The following SLC51A variants were observed in gnomAD, a reference collection of about 807,000 sequenced individuals.
SLC51A encodes the protein organic solute transporter subunit alpha.
SLC51A carries 22 observed loss-of-function variants against 34.8 expected under a neutral mutation model. The ratio of observed to expected loss-of-function variants is 0.63; its 90% CI spans 0.45 to 0.90. The LOEUF is 0.90. Ranked by LOEUF, SLC51A falls within the 40% of genes least tolerant of loss-of-function variation. SLC51A has a pLI of 0.00. For missense variants in SLC51A, 371 were observed against 414.8 expected (o/e 0.89, Z 0.92); for synonymous variants, 181 against 176.3 (o/e 1.03, Z -0.21).
chr3:196,227,750 C>G lies in SLC51A; in HGVS notation c.362+13C>G. 6.2e-7 allele frequency: 1 copy of G among 1,606,106 alleles called. No individual in the cohort carries two copies. Among genetic ancestry groups the G allele is most frequent in the East Asian group, 2.2e-5 (1 of 44,830 alleles). On this transcript the variant is annotated intron_variant, in intron 4 of 8. Transcript: ENST00000296327. ...TGACCATCACCTCGTGAGTGCCCTGCCTCGCCCCACCTCCAAGGGCCCCTC... is the reference window on the plus strand; with the variant it reads ...TGACCATCACCTCGTGAGTGCCCTGGCTCGCCCCACCTCCAAGGGCCCCTC...
At chr3:196,221,285 A>G (rs148990769) in intron 2 of SLC51A, among the ~76,000 whole-genome samples, 3 of 152,030 alleles carry the variant, frequency 2.0e-5, no homozygotes, top group East Asian at 1.9e-4. Context: ...AAAAAAAGCT[A>G]TTATTCTAGA....
At chr3:196,225,774 T>G (rs1723877353) in intron 2 of SLC51A, 1 of 152,236 alleles carries the variant, frequency 6.6e-6, no homozygotes, top group African/African-American at 2.4e-5. Flanking sequence ...TCAAAGTGTC[T>G]GCTATCCTCC....
intron 7 of SLC51A, 154 bp downstream of exon 7, chr3:196,230,215 C>A: frequency 1.3e-6 from 1 of 766,534 alleles, no homozygotes; most frequent in South Asian, 2.3e-5. Flanking sequence ...CCTGTGCTTC[C>A]CGCTTTTGTC....
Position 196,227,669 on chromosome 3 carries a change from G to A in SLC51A, c.294G>A (p.Val98=). 3.1e-6 allele frequency: 5 copies of A among 1,614,014 alleles called. No homozygotes were observed. The highest frequency in any genetic ancestry group is 4.2e-6 in the Non-Finnish European group (5 of 1,180,004). ...LLWKSSAPTV[V]SVLCCFGLWI... is the part of the protein sequence containing the mutation. ...CTCCTGCCCCTTCTGAGCAGGTGGTGTCTGTGCTGTGCTGCTTTGGTCTCT... is the reference window on the plus strand; with the variant it reads ...CTCCTGCCCCTTCTGAGCAGGTGGTATCTGTGCTGTGCTGCTTTGGTCTCT... Residue 98 remains valine, a synonymous_variant, in exon 4 of 9, where the codon GTG becomes GTA. Transcript: ENST00000296327.
intron 2 of SLC51A, 23 bp from the exon 3 acceptor site, chr3:196,226,942 C>T: frequency 1.3e-6 from 2 of 1,599,886 alleles, no homozygotes; most frequent in South Asian, 1.1e-5. Flanking sequence ...CGGTCGTCAG[C>T]TCTCTGCCTT....
At position 196,232,405 on chromosome 3, in the gene SLC51A, T is replaced by C; in HGVS notation, c.781-14T>C. 6.2e-7 allele frequency: 1 copy of C among 1,609,336 alleles called. No homozygotes were observed. The highest frequency in any genetic ancestry group is 8.5e-7 in the Non-Finnish European group (1 of 1,175,662). On this transcript the variant is annotated splice_polypyrimidine_tract_variant and intron_variant, in intron 7 of 8. Transcript: ENST00000296327. ...AGGCCCAGTCCACCCTTGCCTCTCTTTTATGTTCCGCAGGTTCTCCTCATC... is the reference window on the plus strand; with the variant it reads ...AGGCCCAGTCCACCCTTGCCTCTCTCTTATGTTCCGCAGGTTCTCCTCATC...
At chr3:196,227,846 T>C in intron 4 of SLC51A, 109 bp downstream of exon 4, 1 of 1,140,474 alleles carries the variant, frequency 8.8e-7, no homozygotes, top group Non-Finnish European at 1.2e-6. Context: ...CCTTCCCAGC[T>C]TGTGCTAGTT....
intron 2 of SLC51A, among the ~76,000 whole-genome samples, chr3:196,220,892 T>TG (rs1723738939): frequency 7.2e-6 from 1 of 139,454 alleles, no homozygotes; most frequent in African/African-American, 2.9e-5. Context: ...TAATTTTTCT[T>TG]TTTTTTTTTT....
At chr3:196,219,051 C>A (rs1723669383) in intron 2 of SLC51A, among the ~76,000 whole-genome samples, 1 of 152,034 alleles carries the variant, frequency 6.6e-6, no homozygotes, top group African/African-American at 2.4e-5. Context: ...CATGGTGAAA[C>A]CCCGTCTCTA....
chr3:196,232,258 G>T (rs756705399), intron 7 of SLC51A, 161 bp from the exon 8 acceptor site: 13 of 574,544 alleles, frequency 2.3e-5, no homozygotes, highest in Non-Finnish European at 4.1e-5. Flanking sequence ...AAATCCCACA[G>T]ATTTTTAATG....
At chr3:196,223,502 G>A (rs757094393) in intron 2 of SLC51A, among the ~76,000 whole-genome samples, 3 of 151,720 alleles carry the variant, frequency 2.0e-5, no homozygotes, top group Non-Finnish European at 4.4e-5. Context: ...ATGAAGACTG[G>A]GAAGGACTGG....
At chr3:196,225,098 G>A (rs888184250) in intron 2 of SLC51A, among the ~76,000 whole-genome samples, 2 of 149,298 alleles carry the variant, frequency 1.3e-5, no homozygotes, top group South Asian at 2.1e-4. Flanking sequence ...CACCTCTCCC[G>A]GAGTAGCTGG....
chr3:196,223,186 A>G (rs1180267603), intron 2 of SLC51A, among the ~76,000 whole-genome samples: 1 of 151,742 alleles, frequency 6.6e-6, no homozygotes, highest in African/African-American at 2.4e-5. Flanking sequence ...ACCCTGGGAG[A>G]TGTGCTTCCT....
Position 196,233,257 on chromosome 3 carries a change from A to G in SLC51A, c.*58A>G. 6.3e-7 allele frequency: 1 copy of G among 1,584,580 alleles called. No individual in the cohort carries two copies. The highest frequency in any genetic ancestry group is 8.6e-7 in the Non-Finnish European group (1 of 1,162,878). On this transcript the variant is annotated 3_prime_UTR_variant, in exon 9 of 9. Transcript: ENST00000296327. ...ACTCATTAGAATACAAGATTCCTTT[A>G]CTGTCCCTCAACCTTGACCAAATGG...
rs749146130 is a variant in SLC51A at position 196,233,129 on chromosome 3, G to A, written c.953G>A (p.Arg318Gln). 15 of 1,614,028 alleles carry A rather than the reference G, an allele frequency of 9.3e-6. No homozygotes were observed. The highest frequency in any genetic ancestry group is 4.5e-5 in the East Asian group (2 of 44,900). Residue 318 changes from arginine to glutamine, a missense_variant, in exon 9 of 9, where the codon CGA (arginine) becomes CAA (glutamine). Coordinates refer to ENST00000296327, the MANE Select transcript of SLC51A (RefSeq NM_152672.6). ...LMTVLTRMYY[R>Q]RKDHKVGYET... ...ACTGTGCTGACACGAATGTACTACC[G>A]AAGGAAAGACCACAAGGTTGGGTAT...
chr3:196,219,866 C>A (rs1285776573), intron 2 of SLC51A, among the ~76,000 whole-genome samples: 1 of 152,226 alleles, frequency 6.6e-6, no homozygotes, highest in Non-Finnish European at 1.5e-5. Flanking sequence ...GGTTGAGAAA[C>A]CTTGCCTCAC....
In SLC51A at chr3:196,228,964, T is replaced by C; in HGVS notation, c.633+44T>C. On this transcript the variant is annotated intron_variant, in intron 6 of 8. Transcript: ENST00000296327. The surrounding 1 kb of genome is among the most constrained non-coding windows in gnomAD (Gnocchi z 4.9). ...ACAGCACAGTCCAAGACTCATTTAG[T>C]ACCTTTGTGTTCTAAAAGGAATCAC... 6.9e-7 allele frequency: 1 copy of C among 1,441,036 alleles called. No individual in the cohort carries two copies. 89.3% of individuals were successfully genotyped at this position (1,441,036 alleles called of 1,614,324 possible).
At chr3:196,230,231 G>A (rs965885727) in intron 7 of SLC51A, among the ~76,000 whole-genome samples, 170 bp downstream of exon 7, 1 of 152,208 alleles carries the variant, frequency 6.6e-6, no homozygotes, top group Non-Finnish European at 1.5e-5. Context: ...TTGTCTTTCT[G>A]TGCTGGAATT....
At chr3:196,229,174 C>T (rs147512470) in intron 6 of SLC51A, among the ~76,000 whole-genome samples, 10 of 152,186 alleles carry the variant, frequency 6.6e-5, no homozygotes, top group African/African-American at 2.2e-4. Flanking sequence ...CTCACGAGGC[C>T]GAGGTGGGAG....
Sources: gnomAD v4.1 joint callset for allele counts (sites outside exome capture counted in the v4.1 genomes callset) on GRCh38, gnomAD v4.1.1 for gene constraint, Gnocchi (gnomAD v3.1) non-coding constraint, MANE v1.5 for transcripts, NCBI Gene and HGNC (gene_info 2026-07-23, HGNC 2026-07-21) for gene names.